Variants in NKAIN2 observed in about 807,000 individuals in gnomAD.
NKAIN2 encodes the protein sodium/potassium transporting ATPase interacting 2, also known as sodium/potassium-transporting ATPase subunit beta-1-interacting protein 2.
Under a neutral mutation model 32.6 loss-of-function variants are expected in NKAIN2, and 14 were observed. The observed-to-expected ratio is 0.43, with a 90% CI of 0.28 to 0.67. The LOEUF (loss-of-function observed/expected upper bound fraction) is 0.67, where lower values mean the gene tolerates loss of function less well. Ranked by LOEUF, NKAIN2 falls within the 30% of genes least tolerant of loss-of-function variation. NKAIN2 has a pLI of 0.17. For missense variants in NKAIN2, 198 were observed against 258.3 expected (o/e 0.77, Z 1.60); for synonymous variants, 80 against 87.2 (o/e 0.92, Z 0.46).
At chr6:124,534,501 G>A (rs1301954030) in intron 3 of NKAIN2, among the ~76,000 whole-genome samples, 5 of 152,160 alleles carry the variant, frequency 3.3e-5, no homozygotes, top group African/African-American at 7.2e-5. Flanking sequence ...CTAGCCCAAC[G>A]CCTTGTGGGG....
chr6:123,966,812 G>A (rs1778102172), intron 1 of NKAIN2, among the ~76,000 whole-genome samples: 1 of 152,116 alleles, frequency 6.6e-6, no homozygotes, highest in South Asian at 2.1e-4. Context: ...AACAAATACT[G>A]TTCACGTGTC....
At chr6:124,205,966 G>A (rs186018661) in intron 1 of NKAIN2, among the ~76,000 whole-genome samples, 9 of 151,960 alleles carry the variant, frequency 5.9e-5, no homozygotes, top group African/African-American at 1.9e-4. Context: ...ACAAATATGT[G>A]AGCAAGAGCA....
chr6:124,809,032 A>T (rs945409738), intron 5 of NKAIN2, among the ~76,000 whole-genome samples: 4 of 152,230 alleles, frequency 2.6e-5, no homozygotes, highest in African/African-American at 9.6e-5. Flanking sequence ...AAGAAGAATC[A>T]ATATGGTGAA....
rs189785259 is a variant in NKAIN2 at position 124,141,560 on chromosome 6, C to T, written c.55-141445C>T. Among the ~76,000 whole-genome samples, 228 of 152,020 alleles carry T rather than the reference C, an allele frequency of 1.5e-3. 2 individuals are homozygous for T. The highest frequency in any genetic ancestry group is 1.0e-3 in the Non-Finnish European group (70 of 67,982). On this transcript the variant is annotated intron_variant, in intron 1 of 6. Transcript: ENST00000368417. ...AAATTCAATCAATTTAGGATTAACACGGTCAGTTCATATTCTATTTTCTTG... is the reference window on the plus strand; with the variant it reads ...AAATTCAATCAATTTAGGATTAACATGGTCAGTTCATATTCTATTTTCTTG...
intron 3 of NKAIN2, 110 bp from the exon 4 acceptor site, chr6:124,658,076 A>G (rs1784603778): frequency 1.2e-6 from 1 of 847,004 alleles, no homozygotes; most frequent in African/African-American, 1.7e-5. Context: ...AGGAAAAAAA[A>G]AACAAACAAA....
chr6:124,379,112 AGAGGAGAGGGGAGGG>A (rs1289538757), intron 3 of NKAIN2, among the ~76,000 whole-genome samples: 3 of 107,938 alleles, frequency 2.8e-5, no homozygotes, highest in African/African-American at 1.0e-4. Context: ...AAAGGAAAGA[AGAGGAGAGGGGAGGG>A]GAGGAGAGGG....
chr6:124,355,878 G>T (rs763910924), intron 3 of NKAIN2, among the ~76,000 whole-genome samples: 1 of 152,000 alleles, frequency 6.6e-6, no homozygotes, highest in Non-Finnish European at 1.5e-5. Context: ...GTTTTTTTGT[G>T]CTCTGTATGT....
chr6:124,559,168 G>A (rs1482049559), intron 3 of NKAIN2, among the ~76,000 whole-genome samples: 3 of 152,148 alleles, frequency 2.0e-5, no homozygotes, highest in African/African-American at 7.2e-5. Flanking sequence ...AAGTAGCAAG[G>A]TGGGGTGGAG....
chr6:124,265,478 A>C (rs1268051728), intron 1 of NKAIN2, among the ~76,000 whole-genome samples: 2 of 152,244 alleles, frequency 1.3e-5, no homozygotes, highest in Non-Finnish European at 2.9e-5. Context: ...ATACATACTT[A>C]GAATTTTTAA....
chr6:123,848,506 C>G (rs946918798), intron 1 of NKAIN2, among the ~76,000 whole-genome samples: 1 of 152,156 alleles, frequency 6.6e-6, no homozygotes, highest in Non-Finnish European at 1.5e-5. Flanking sequence ...ACTTTTCACC[C>G]TTTGCTTGGA....
At chr6:124,499,849 A>T (rs919226101) in intron 3 of NKAIN2, among the ~76,000 whole-genome samples, 2 of 152,244 alleles carry the variant, frequency 1.3e-5, no homozygotes, top group Non-Finnish European at 2.9e-5. Context: ...GATACTTCAT[A>T]TTCTGCCTAC....
At chr6:124,238,595 C>T (rs529784045) in intron 1 of NKAIN2, among the ~76,000 whole-genome samples, 47 of 152,216 alleles carry the variant, frequency 3.1e-4, no homozygotes, top group Admixed American at 2.9e-3. Flanking sequence ...GCGAGATCAA[C>T]ACAGAAGGCG....
intron 5 of NKAIN2, among the ~76,000 whole-genome samples, chr6:124,802,363 T>A (rs1582548785): frequency 6.6e-6 from 1 of 152,164 alleles, no homozygotes; most frequent in African/African-American, 2.4e-5. Context: ...CTCCTTCCAA[T>A]TTCATCTGAA....
rs149678691 is a variant in NKAIN2, at chr6:124,592,376, C to T, written c.274-65810C>T. Among the ~76,000 whole-genome samples the T allele has an allele frequency of 4.2e-3, 645 of 152,228 alleles. 10 individuals are homozygous for T. The highest frequency in any genetic ancestry group is 4.3e-3 in the Non-Finnish European group (293 of 68,012). ...TTCAGAGGGGGTTTACATTAATACA[C>T]GGCTTGTGTCATCAGGAAATGAAAG... On this transcript the variant is annotated intron_variant, in intron 3 of 6. Coordinates refer to ENST00000368417, the MANE Select transcript of NKAIN2 (RefSeq NM_001040214.3).
At chr6:124,064,134 G>A (rs949812903) in intron 1 of NKAIN2, among the ~76,000 whole-genome samples, 1 of 151,790 alleles carries the variant, frequency 6.6e-6, no homozygotes, top group Non-Finnish European at 1.5e-5. Context: ...ATATTTCTTA[G>A]TATAGACTGG....
At chr6:124,260,965 C>T (rs532301757) in intron 1 of NKAIN2, among the ~76,000 whole-genome samples, 37 of 152,330 alleles carry the variant, frequency 2.4e-4, no homozygotes, top group African/African-American at 8.9e-4. Context: ...GTGTAAGATG[C>T]AGTTCTTGGC....
At chr6:123,948,487 G>T (rs1434148387) in intron 1 of NKAIN2, among the ~76,000 whole-genome samples, 2 of 150,722 alleles carry the variant, frequency 1.3e-5, no homozygotes, top group Non-Finnish European at 3.0e-5. Context: ...TCTCATTGTG[G>T]TTTTGATTTG....
At chr6:123,930,013 C>T (rs1776181789) in intron 1 of NKAIN2, among the ~76,000 whole-genome samples, 1 of 151,928 alleles carries the variant, frequency 6.6e-6, no homozygotes, top group South Asian at 2.1e-4. Context: ...AATTTCAGTC[C>T]ATGAAACATT....
chr6:124,562,521 T>C (rs1461882434), intron 3 of NKAIN2, among the ~76,000 whole-genome samples: 3 of 152,218 alleles, frequency 2.0e-5, no homozygotes, highest in African/African-American at 7.2e-5. Context: ...TCTTGAAAAT[T>C]ATTAAGGTTC....
Sources: gnomAD v4.1 joint callset for allele counts (sites outside exome capture counted in the v4.1 genomes callset) on GRCh38, gnomAD v4.1.1 for gene constraint, MANE v1.5 for transcripts, NCBI Gene and HGNC (gene_info 2026-07-23, HGNC 2026-07-21) for gene names.